CLCN2: variants seen among roughly 807,000 people sequenced by gnomAD.
The protein encoded by CLCN2 is chloride channel protein 2.
A neutral mutation model predicts 108.3 loss-of-function variants in CLCN2; 72 were observed. The observed-to-expected ratio is 0.66, with a 90% CI of 0.55 to 0.81. The LOEUF (loss-of-function observed/expected upper bound fraction) is 0.81, where lower values mean the gene tolerates loss of function less well. CLCN2 is among the 30% of genes least tolerant of loss of function. The pLI, the probability that CLCN2 is intolerant of heterozygous loss-of-function variation, is 0.00. For synonymous variants in CLCN2, 471 were observed against 467.1 expected, an observed-to-expected ratio of 1.01 and a Z score of -0.11; for missense variants, 1,048 against 1,205.2, an observed-to-expected ratio of 0.87 and a Z score of 1.93.
At chr3:184,347,717 AC>A (rs1386905078) in intron 22 of CLCN2, 2 of 158,494 alleles carry the variant, frequency 1.3e-5, no homozygotes, top group Non-Finnish European at 2.8e-5. Flanking sequence ...TGCCTCTCAT[AC>A]AGTCTGCCTT....
intron 1 of CLCN2, among the ~76,000 whole-genome samples, chr3:184,359,696 C>G: frequency 6.6e-6 from 1 of 152,218 alleles, no homozygotes; most frequent in Admixed American, 6.5e-5. Context: ...CCCCCACCAG[C>G]CTGCCAGCCC....
intron 7 of CLCN2, 36 bp from the exon 8 acceptor site, chr3:184,357,523 G>C (rs1173892734): frequency 1.9e-6 from 3 of 1,614,102 alleles, no homozygotes; most frequent in African/African-American, 2.7e-5. Flanking sequence ...TTGAGGCCTG[G>C]GCCTGGCCTA....
intron 16 of CLCN2, 110 bp downstream of exon 16, chr3:184,353,552 C>T: frequency 9.0e-6 from 14 of 1,559,352 alleles, no homozygotes; most frequent in Non-Finnish European, 1.2e-5. Flanking sequence ...CTGGCAAGTG[C>T]TGGTCCATTC....
rs1712083398 is a variant in CLCN2 at position 184,361,374 on chromosome 3, G to A, written c.63+43C>T. On this transcript the variant is annotated intron_variant, in intron 1 of 23. Coordinates refer to ENST00000265593, the MANE Select transcript of CLCN2 (RefSeq NM_004366.6). This position sits in a 1 kb window ranked among gnomAD's most constrained non-coding sequence, Gnocchi z 6.6. The stretch of plus-strand genomic sequence containing the variant: ...GCTTCCCAGGGTAACCTGGAGCAGG[G>A]GTCCCGGAGCGCACTCCTGGGGCTC... The A allele has an allele frequency of 1.1e-5, 18 of 1,597,746 alleles. No homozygotes were observed. The East Asian group carries it at 3.6e-4, about 32-fold the overall frequency.
chr3:184,353,941 T>G, intron 15 of CLCN2, 146 bp from the exon 16 acceptor site: 1 of 1,421,478 alleles, frequency 7.0e-7, no homozygotes, highest in Non-Finnish European at 9.6e-7. Flanking sequence ...CCCTTCTTTC[T>G]GAACAGCAGG....
In CLCN2 at chr3:184,354,322, C is replaced by T. The variant is rs1360636641; in HGVS notation, c.1508-8G>A. The T allele has an allele frequency of 1.2e-6, 2 of 1,612,174 alleles. No homozygotes were observed. Among genetic ancestry groups the T allele is most frequent in the African/African-American group, 1.3e-5 (1 of 74,860 alleles). ...CTGCCAGCGCAGCTGCCCCTGGGGA[C>T]AGTCACACTCAGTCTCCTCAGGGTG... On this transcript the variant is annotated splice_polypyrimidine_tract_variant and splice_region_variant and intron_variant, in intron 14 of 23. Coordinates refer to ENST00000265593, the MANE Select transcript of CLCN2 (RefSeq NM_004366.6).
chr3:184,359,541 G>A (rs1048683437), intron 1 of CLCN2, among the ~76,000 whole-genome samples: 2 of 152,228 alleles, frequency 1.3e-5, no homozygotes, highest in African/African-American at 2.4e-5. Context: ...TAAGAGCCTC[G>A]TGGAGCTCGG....
intron 22 of CLCN2, among the ~76,000 whole-genome samples, chr3:184,349,855 A>G (rs774450912): frequency 7.2e-5 from 11 of 152,016 alleles, no homozygotes; most frequent in Non-Finnish European, 1.5e-4. Context: ...TGTGGCCGCC[A>G]CTCTGGCCTT....
chr3:184,346,973 T>G lies in CLCN2; in HGVS notation c.2464A>C (p.Ser822Arg). Reference protein sequence around the residue: ...LLGVDHAYVTSIGRLIGIVTL... With the variant: ...LLGVDHAYVTRIGRLIGIVTL... ...ACGATTCCAATGAGTCTGCCAATAC[T>G]GGTGACATAAGCATGGTCCACTCCC... The change falls in exon 23 of 24, where the codon AGT (serine) becomes CGT (arginine). Residue 822 changes from serine to arginine, a missense_variant. Ser to Arg is a moderately radical substitution (Grantham distance 110). Coordinates refer to ENST00000265593, the MANE Select transcript of CLCN2 (RefSeq NM_004366.6). This position sits in a 1 kb window ranked among gnomAD's most constrained non-coding sequence, Gnocchi z 6.0. The G allele has an allele frequency of 6.2e-7, 1 of 1,614,158 alleles. No homozygotes were observed.
At chr3:184,354,717 A>C in intron 13 of CLCN2, 59 bp from the exon 14 acceptor site, 1 of 1,393,726 alleles carries the variant, frequency 7.2e-7, no homozygotes, top group Non-Finnish European at 1.0e-6. Flanking sequence ...AGGGGGCACT[A>C]GGAAGAGAGA....
In CLCN2 at chr3:184,355,008, T is replaced by C. The variant is rs534414123; in HGVS notation, c.1327-35A>G. ...GGGGGTGGTTCAAAGGCGAAGAGGC[T>C]CCACCTGGCCCCAGGCAGCCCACAG... is the stretch of plus-strand genomic sequence containing the variant. On this transcript the variant is annotated intron_variant, in intron 12 of 23. Coordinates refer to ENST00000265593, the MANE Select transcript of CLCN2 (RefSeq NM_004366.6). The surrounding 1 kb of genome is among the most constrained non-coding windows in gnomAD (Gnocchi z 6.3). The C allele has an allele frequency of 1.6e-5, 25 of 1,600,654 alleles. No individual in the cohort carries two copies. The highest frequency in any genetic ancestry group is 3.3e-4 in the Middle Eastern group (2 of 6,016).
At chr3:184,359,660 C>T (rs1185662930) in intron 1 of CLCN2, among the ~76,000 whole-genome samples, 1 of 149,182 alleles carries the variant, frequency 6.7e-6, no homozygotes, top group Non-Finnish European at 1.5e-5. Flanking sequence ...CCACCCTAAT[C>T]CCCTTGTCCC....
chr3:184,357,338 C>A (rs1235093067), intron 8 of CLCN2, 24 bp downstream of exon 8: 1 of 1,614,046 alleles, frequency 6.2e-7, no homozygotes, highest in Non-Finnish European at 8.5e-7. Context: ...TCTCGGGCTG[C>A]CCTCATCCCC....
intron 1 of CLCN2, among the ~76,000 whole-genome samples, chr3:184,359,811 G>A (rs572326085): frequency 7.2e-5 from 11 of 152,310 alleles, no homozygotes; most frequent in African/African-American, 2.2e-4. Flanking sequence ...GGGGGACAGC[G>A]GAGGCTGAGG....
At position 184,361,423 on chromosome 3, in the gene CLCN2, C is replaced by T; in HGVS notation, c.57G>A (p.Gln19=). The change falls in exon 1 of 24, where the codon CAG becomes CAA. Residue 19 remains glutamine (Q), a synonymous_variant. Transcript: ENST00000265593. This position sits in a 1 kb window ranked among gnomAD's most constrained non-coding sequence, Gnocchi z 6.6. Reference sequence around the variant, plus strand: ...TCAGCTCAGCTTCACTTACCAGGGTCTGCTCGTACTGCAGCGCCCGTGGCT... The same window carrying T: ...TCAGCTCAGCTTCACTTACCAGGGTTTGCTCGTACTGCAGCGCCCGTGGCT... The part of the protein sequence containing the change: ...GMEPRALQYE[Q]TLMYGRYTQD... 6.2e-7 allele frequency: 1 copy of T among 1,613,646 alleles called. No homozygotes were observed. Among genetic ancestry groups the T allele is most frequent in the Non-Finnish European group, 8.5e-7 (1 of 1,179,970 alleles).
At chr3:184,357,300 A>G (rs927539335) in intron 8 of CLCN2, 34 bp from the exon 9 acceptor site, 2 of 1,613,956 alleles carry the variant, frequency 1.2e-6, no homozygotes, top group Admixed American at 1.7e-5. Flanking sequence ...AGGCAGGCCT[A>G]GCCTCGTGGG....
At chr3:184,354,800 C>A in intron 13 of CLCN2, 104 bp downstream of exon 13, 1 of 1,422,822 alleles carries the variant, frequency 7.0e-7, no homozygotes, top group Admixed American at 1.7e-5. Flanking sequence ...AGGGTTCGGG[C>A]TAGGGCTGGA....
Position 184,359,119 on chromosome 3 carries a change from A to AC in CLCN2, c.75dup (p.Tyr26ValfsTer22). ...GCAAAGGCCCCAAGGTCCTGAGTGT[A>AC]CCGGCCATACATCTGGAGCAACAGA... On this transcript the variant is annotated frameshift_variant, in exon 2 of 24. Coordinates refer to ENST00000265593, the MANE Select transcript of CLCN2 (RefSeq NM_004366.6). LOFTEE classifies it high-confidence loss of function. The AC allele has an allele frequency of 6.2e-7, 1 of 1,613,726 alleles. No homozygotes were observed. The highest frequency in any genetic ancestry group is 2.2e-5 in the East Asian group (1 of 44,890).
intron 22 of CLCN2, among the ~76,000 whole-genome samples, chr3:184,351,082 T>G (rs1352007940): frequency 6.6e-6 from 1 of 152,146 alleles, no homozygotes; most frequent in East Asian, 1.9e-4. Flanking sequence ...ATTTTTGCCT[T>G]TTTGTTTCTC....
Sources: gnomAD v4.1 joint callset for allele counts (sites outside exome capture counted in the v4.1 genomes callset) on GRCh38, gnomAD v4.1.1 for gene constraint, Gnocchi (gnomAD v3.1) non-coding constraint, MANE v1.5 for transcripts, NCBI Gene and HGNC (gene_info 2026-07-23, HGNC 2026-07-21) for gene names.